TYW2: variants seen among roughly 807,000 people sequenced by gnomAD.
TYW2 encodes tRNA wybutosine-synthesizing protein 2 homolog.
At chr8:124,451,527 G>A in the TYW2 span, 1 of 1,614,186 alleles carries the variant, frequency 6.2e-7, no homozygotes, top group Non-Finnish European at 8.5e-7. Flanking sequence ...GCTGGGTAGA[G>A]CATGTGGATA....
the TYW2 span, chr8:124,451,799 T>C: frequency 5.0e-6 from 8 of 1,614,040 alleles, no homozygotes; most frequent in East Asian, 1.8e-4. Flanking sequence ...CAAATACACT[T>C]TGGAGATAAC....
chr8:124,451,868 C>A, the TYW2 span: 1 of 1,614,174 alleles, frequency 6.2e-7, no homozygotes, highest in Non-Finnish European at 8.5e-7. Context: ...ATTCCCAGCT[C>A]TGAAGAAGGC....
At chr8:124,451,180 A>G in the TYW2 span, 3 of 1,614,170 alleles carry the variant, frequency 1.9e-6, no homozygotes, top group Non-Finnish European at 2.5e-6. Flanking sequence ...CAGTCCCTGT[A>G]TGCTCACGCA....
chr8:124,451,609 G>C, the TYW2 span: 5 of 1,614,080 alleles, frequency 3.1e-6, no homozygotes, highest in African/African-American at 5.3e-5. Context: ...GAAGCTTCGA[G>C]TGGCATCGTT....
chr8:124,451,792 A>G, the TYW2 span: 2 of 1,614,180 alleles, frequency 1.2e-6, no homozygotes, highest in Admixed American at 1.7e-5. Flanking sequence ...TCGGTGCCAA[A>G]TACACTTTGG....
At chr8:124,450,936 G>C in the TYW2 span, 9 of 1,613,386 alleles carry the variant, frequency 5.6e-6, no homozygotes, top group Non-Finnish European at 7.6e-6. Flanking sequence ...TGATGAGAGA[G>C]AATGTGGTTG....
At chr8:124,451,453 C>T in the TYW2 span, 2 of 1,614,152 alleles carry the variant, frequency 1.2e-6, no homozygotes, top group East Asian at 4.5e-5. Context: ...TTTGGCAAAA[C>T]GAGGGCGGGT....
At chr8:124,452,114 C>T in the TYW2 span, 41 of 1,614,102 alleles carry the variant, frequency 2.5e-5, no homozygotes, top group Non-Finnish European at 3.3e-5. Flanking sequence ...CAAAGGTGGG[C>T]AGAATCTGCA....
the TYW2 span, chr8:124,450,840 C>G: frequency 1.4e-6 from 2 of 1,474,600 alleles, no homozygotes; most frequent in African/African-American, 2.8e-5. Context: ...CCGGCATGGC[C>G]GGGTGAGCTG....
the TYW2 span, chr8:124,451,742 T>C: frequency 1.9e-6 from 3 of 1,614,180 alleles, no homozygotes; most frequent in Non-Finnish European, 2.5e-6. Flanking sequence ...CATGCTGTAG[T>C]TGCTCTGAGA....
chr8:124,451,623 C>T, the TYW2 span: 24 of 1,614,166 alleles, frequency 1.5e-5, no homozygotes, highest in South Asian at 2.3e-4. Context: ...CATCGTTGTC[C>T]TGTGCTGGAG....
At chr8:124,452,279 G>A in the TYW2 span, 1 of 1,611,278 alleles carries the variant, frequency 6.2e-7, no homozygotes, top group Non-Finnish European at 8.5e-7. Flanking sequence ...GGCTAGAGGA[G>A]GTAGATCCTG....
the TYW2 span, chr8:124,451,970 A>G: frequency 6.2e-7 from 1 of 1,614,250 alleles, no homozygotes; most frequent in Non-Finnish European, 8.5e-7. Context: ...AAGAATCTTC[A>G]GGCTCTTGGA....
At chr8:124,451,194 C>G in the TYW2 span, 44,575 of 1,614,056 alleles carry the variant, frequency 0.028, 1,335 homozygotes, top group South Asian at 0.12. Context: ...TCACGCAGCT[C>G]CCGGATCCTG....
chr8:124,452,189 A>G, the TYW2 span: 5 of 1,614,220 alleles, frequency 3.1e-6, no homozygotes, highest in African/African-American at 1.3e-5. Context: ...CAAATTCTGC[A>G]CATCCAACCA....
chr8:124,452,218 C>T, the TYW2 span: 1 of 1,614,208 alleles, frequency 6.2e-7, no homozygotes, highest in Non-Finnish European at 8.5e-7. Context: ...CTATGCTCCC[C>T]ATGTGGATCA....
At chr8:124,450,874 G>A in the TYW2 span, 1 of 1,553,736 alleles carries the variant, frequency 6.4e-7, no homozygotes, top group South Asian at 1.2e-5. Context: ...TTAAGACCGG[G>A]AATTTAGTCA....
At chr8:124,452,524 C>T in the TYW2 span, 1 of 462,498 alleles carries the variant, frequency 2.2e-6, no homozygotes, top group Non-Finnish European at 3.9e-6. Context: ...TTATGAATTC[C>T]AAATTCTGAC....
the TYW2 span, chr8:124,452,581 GT>G: frequency 9.0e-6 from 3 of 332,140 alleles, no homozygotes; most frequent in Middle Eastern, 9.5e-4. Context: ...CTCGGGTTTC[GT>G]TATTTGCAAA....
Sources: gnomAD v4.1 joint callset for allele counts on GRCh38, gnomAD v4.1.1 for gene constraint, MANE v1.5 for transcripts, NCBI Gene and HGNC (gene_info 2026-07-23, HGNC 2026-07-21) for gene names.